ZBBX: variants seen among roughly 807,000 people sequenced by gnomAD.
ZBBX encodes the protein zinc finger B-box domain-containing protein 1.
ZBBX carries 101 observed loss-of-function variants against 108.5 expected under a neutral mutation model. The observed-to-expected ratio is 0.93, with a 90% CI of 0.79 to 1.10. The LOEUF (loss-of-function observed/expected upper bound fraction) is 1.10, where lower values mean the gene tolerates loss of function less well. Ranked by LOEUF, ZBBX falls within the 50% of genes least tolerant of loss-of-function variation. The pLI is 0.00. For synonymous variants in ZBBX, 356 were observed against 323.4 expected (o/e 1.10, Z -1.08); for missense variants, 1,009 against 941.4 (o/e 1.07, Z -0.94).
At chr3:167,330,388 G>A (rs1000696281) in intron 10 of ZBBX, among the ~76,000 whole-genome samples, 1 of 152,080 alleles carries the variant, frequency 6.6e-6, no homozygotes, top group Admixed American at 6.6e-5. Context: ...TAGAATAAAT[G>A]ACCAAACATT....
At chr3:167,358,700 G>A (rs1290547457) in intron 8 of ZBBX, among the ~76,000 whole-genome samples, 1 of 151,976 alleles carries the variant, frequency 6.6e-6, no homozygotes, top group African/African-American at 2.4e-5. Context: ...ACTTTGGGAG[G>A]CAGAGGCAGG....
At chr3:167,322,473 A>G (rs1250122977) in intron 11 of ZBBX, among the ~76,000 whole-genome samples, 3 of 152,034 alleles carry the variant, frequency 2.0e-5, no homozygotes, top group African/African-American at 7.2e-5. Context: ...CTTATGATTC[A>G]GAAGGTTTGT....
the ZBBX span, among the ~76,000 whole-genome samples, chr3:167,232,230 G>C: frequency 6.6e-6 from 1 of 151,750 alleles, no homozygotes; most frequent in Non-Finnish European, 1.5e-5. Context: ...CTAATACCAA[G>C]TAAATGTGTT....
intron 1 of ZBBX, among the ~76,000 whole-genome samples, chr3:167,395,020 C>A (rs1748185442): frequency 6.6e-6 from 1 of 151,964 alleles, no homozygotes; most frequent in Admixed American, 6.6e-5. Context: ...TAAAACCAAC[C>A]TCTGGTTCAA....
intron 18 of ZBBX, 22 bp downstream of exon 18, chr3:167,298,283 G>GA (rs765659599): frequency 3.8e-6 from 6 of 1,575,970 alleles, no homozygotes; most frequent in South Asian, 3.6e-5. Flanking sequence ...GACTGTTTTA[G>GA]AAAAATGAGC....
chr3:167,239,713 A>G (rs1263393700), downstream of ZBBX, among the ~76,000 whole-genome samples: 2 of 152,056 alleles, frequency 1.3e-5, no homozygotes, highest in Non-Finnish European at 2.9e-5. Flanking sequence ...TAATACACAG[A>G]TTTTTGGCTG....
intron 4 of ZBBX, among the ~76,000 whole-genome samples, chr3:167,369,078 C>T (rs1385760188): frequency 1.3e-5 from 2 of 152,114 alleles, no homozygotes; most frequent in Non-Finnish European, 2.9e-5. Flanking sequence ...TGTTTGAGAC[C>T]TATTAAGAAT....
At chr3:167,283,973 CA>C in intron 19 of ZBBX, among the ~76,000 whole-genome samples, 1 of 152,076 alleles carries the variant, frequency 6.6e-6, no homozygotes, top group Middle Eastern at 3.4e-3. Flanking sequence ...AGAAGACTCT[CA>C]ATACAGTATG....
intron 1 of ZBBX, among the ~76,000 whole-genome samples, chr3:167,387,732 C>G (rs1747962090): frequency 6.6e-6 from 1 of 151,806 alleles, no homozygotes; most frequent in African/African-American, 2.4e-5. Context: ...TACTAATGGA[C>G]TAGGCCAAAG....
At chr3:167,262,337 C>T (rs1724697518) in intron 20 of ZBBX, among the ~76,000 whole-genome samples, 1 of 152,202 alleles carries the variant, frequency 6.6e-6, no homozygotes, top group Non-Finnish European at 1.5e-5. Flanking sequence ...CCAGCCACTG[C>T]CTGTTGCTCT....
chr3:167,320,608 G>A (rs919274206), intron 12 of ZBBX, among the ~76,000 whole-genome samples: 27 of 151,944 alleles, frequency 1.8e-4, no homozygotes, highest in Non-Finnish European at 1.5e-5. Flanking sequence ...ATCTCAATGT[G>A]TCTCCTCTAA....
At chr3:167,333,694 A>G in intron 10 of ZBBX, 133 bp downstream of exon 10, 1 of 783,668 alleles carries the variant, frequency 1.3e-6, no homozygotes, top group South Asian at 3.3e-5. Flanking sequence ...TTGGTTAATG[A>G]AGAACAAATC....
At chr3:167,398,980 A>G (rs1748334195) in intron 1 of ZBBX, among the ~76,000 whole-genome samples, 2 of 151,196 alleles carry the variant, frequency 1.3e-5, no homozygotes, top group Admixed American at 1.3e-4. Flanking sequence ...AGAGTAAGAA[A>G]GAACTGAGCT....
intron 2 of ZBBX, among the ~76,000 whole-genome samples, chr3:167,376,587 GAT>G (rs1307659255): frequency 6.6e-6 from 1 of 152,092 alleles, no homozygotes; most frequent in East Asian, 1.9e-4. Flanking sequence ...AAGCTAAACT[GAT>G]ATATGATTGA....
intron 10 of ZBBX, among the ~76,000 whole-genome samples, chr3:167,330,737 G>A (rs1255846677): frequency 6.6e-6 from 1 of 150,850 alleles, no homozygotes. Context: ...CTGTGCAACA[G>A]AGCAAGACTC....
At chr3:167,371,431 A>G (rs533516152) in intron 4 of ZBBX, among the ~76,000 whole-genome samples, 101 of 152,210 alleles carry the variant, frequency 6.6e-4, no homozygotes, top group African/African-American at 2.3e-3. Context: ...AGTTTGAGCC[A>G]TGTTCTCTCC....
intron 9 of ZBBX, 91 bp downstream of exon 9, chr3:167,350,327 CCT>C: frequency 3.3e-6 from 3 of 910,488 alleles, no homozygotes; most frequent in Non-Finnish European, 4.9e-6. Flanking sequence ...CGTAAATCAT[CCT>C]GAGTTCTAGA....
At chr3:167,217,302 A>G in the ZBBX span, among the ~76,000 whole-genome samples, 2 of 152,210 alleles carry the variant, frequency 1.3e-5, no homozygotes, top group Admixed American at 1.3e-4. Flanking sequence ...AAACTGGGTA[A>G]AGAACATGAA....
intron 21 of ZBBX, among the ~76,000 whole-genome samples, chr3:167,241,775 T>A (rs1720725038): frequency 6.6e-6 from 1 of 152,186 alleles, no homozygotes; most frequent in South Asian, 2.1e-4. Context: ...AATGATTTCC[T>A]CTTCCAGAAA....
Sources: allele counts gnomAD v4.1 joint callset (sites outside exome capture counted in the v4.1 genomes callset), GRCh38; gene constraint gnomAD v4.1.1; transcripts MANE v1.5; gene names NCBI Gene and HGNC (gene_info 2026-07-23, HGNC 2026-07-21).